Variants in ZRANB3 observed in about 807,000 individuals in gnomAD.
The protein encoded by ZRANB3 is DNA annealing helicase and endonuclease ZRANB3.
ZRANB3 carries 125 observed loss-of-function variants against 133.8 expected under a neutral mutation model. The ratio of observed to expected loss-of-function variants is 0.93; its 90% CI spans 0.81 to 1.08. ZRANB3 has a LOEUF of 1.08. Among genes scored for constraint, ZRANB3 ranks in the 50% least tolerant of loss-of-function variants. The probability of loss-of-function intolerance (pLI) is 0.00; values close to 1 mark genes in which losing one functional copy is unlikely to be tolerated. For missense variants in ZRANB3, 1,229 were observed against 1,275.5 expected (o/e 0.96, Z 0.56); for synonymous variants, 387 against 432.7 (o/e 0.89, Z 1.31).
At chr2:135,407,911 T>A (rs896193891) in intron 2 of ZRANB3, among the ~76,000 whole-genome samples, 1 of 146,440 alleles carries the variant, frequency 6.8e-6, no homozygotes, top group African/African-American at 2.7e-5. Context: ...GACATAGGCA[T>A]GGGCAAGGAC....
chr2:135,493,557 T>C (rs1692515842), intron 2 of ZRANB3, among the ~76,000 whole-genome samples: 1 of 152,088 alleles, frequency 6.6e-6, no homozygotes, highest in Admixed American at 6.6e-5. Context: ...ATCTGTAAGT[T>C]CAGGGAAACA....
At chr2:135,433,532 A>G (rs1477011994) in intron 2 of ZRANB3, among the ~76,000 whole-genome samples, 3 of 152,238 alleles carry the variant, frequency 2.0e-5, no homozygotes, top group African/African-American at 7.2e-5. Context: ...CTCAGATTCA[A>G]AAACACTAGA....
At chr2:135,492,690 A>G (rs1424975940) in intron 2 of ZRANB3, among the ~76,000 whole-genome samples, 2 of 152,284 alleles carry the variant, frequency 1.3e-5, no homozygotes, top group Non-Finnish European at 2.9e-5. Flanking sequence ...ACATACAGTG[A>G]TGAGTGATAA....
intron 1 of ZRANB3, among the ~76,000 whole-genome samples, chr2:135,529,716 T>C (rs1403095605): frequency 6.6e-6 from 1 of 151,688 alleles, no homozygotes; most frequent in Admixed American, 6.6e-5. Context: ...GATTTCACCA[T>C]GTTGCCCAGG....
At chr2:135,214,635 T>G (rs925219103) in intron 17 of ZRANB3, among the ~76,000 whole-genome samples, 1 of 152,162 alleles carries the variant, frequency 6.6e-6, no homozygotes, top group Non-Finnish European at 1.5e-5. Context: ...TTGAGAGGAC[T>G]GGAAGTTTTG....
intron 17 of ZRANB3, 39 bp from the exon 18 acceptor site, chr2:135,209,017 A>G: frequency 6.4e-7 from 1 of 1,570,352 alleles, no homozygotes. Context: ...CCTCTATCTC[A>G]TATAAAAATG....
intron 18 of ZRANB3, among the ~76,000 whole-genome samples, chr2:135,208,045 G>T (rs771299339): frequency 1.1e-4 from 17 of 152,164 alleles, no homozygotes; most frequent in Non-Finnish European, 2.5e-4. Flanking sequence ...ATATAAATAT[G>T]TTGCCTCTCT....
chr2:135,219,251 A>G, intron 15 of ZRANB3, 73 bp from the exon 16 acceptor site: 5 of 985,368 alleles, frequency 5.1e-6, no homozygotes, highest in Non-Finnish European at 7.3e-6. Flanking sequence ...AATGAAAATA[A>G]TTACATTATG....
chr2:135,258,931 G>A (rs561582003), intron 12 of ZRANB3, among the ~76,000 whole-genome samples: 18 of 152,238 alleles, frequency 1.2e-4, no homozygotes, highest in African/African-American at 3.9e-4. Flanking sequence ...TTGTATATAC[G>A]AGACATTTTT....
At chr2:135,375,869 A>T (rs1389455590) in intron 3 of ZRANB3, among the ~76,000 whole-genome samples, 1 of 152,136 alleles carries the variant, frequency 6.6e-6, no homozygotes, top group African/African-American at 2.4e-5. Flanking sequence ...AAAAAAAAAA[A>T]TATTGTCTTA....
chr2:135,266,721 C>T (rs564520516), intron 11 of ZRANB3, among the ~76,000 whole-genome samples: 76 of 151,318 alleles, frequency 5.0e-4, no homozygotes, highest in African/African-American at 1.8e-3. Flanking sequence ...GCTGAGATCA[C>T]GCCACCATAC....
chr2:135,275,721 A>C lies in ZRANB3; in HGVS notation c.1001T>G (p.Leu334Arg). 1 of 1,602,578 alleles carries C rather than the reference A, an allele frequency of 6.2e-7. No homozygotes were observed. Among genetic ancestry groups the C allele is most frequent in the Non-Finnish European group, 8.5e-7 (1 of 1,173,450 alleles). The change falls in exon 9 of 21, where the codon CTT becomes CGT. Residue 334 changes from leucine (L) to arginine (R), a missense_variant. By Grantham distance (102) the Leu-to-Arg change is moderately radical. Transcript: ENST00000264159. Reference protein sequence around the residue: ...GAVKDYIKMMLQNDSLKFLVF... With the variant: ...GAVKDYIKMMRQNDSLKFLVF... ...CAGAAATTTAAGCGAATCATTCTGA[A>C]GCATCATCTTAATATAATCCTTTAC... is the stretch of plus-strand genomic sequence containing the variant.
intron 15 of ZRANB3, among the ~76,000 whole-genome samples, chr2:135,220,940 T>C (rs1036849936): frequency 6.7e-6 from 1 of 149,318 alleles, no homozygotes; most frequent in African/African-American, 2.5e-5. Flanking sequence ...CACTGCAACC[T>C]GTACCTCCCG....
At chr2:135,479,168 T>C (rs571352647) in intron 2 of ZRANB3, among the ~76,000 whole-genome samples, 1 of 152,226 alleles carries the variant, frequency 6.6e-6, no homozygotes, top group East Asian at 1.9e-4. Flanking sequence ...TCCAATTTTG[T>C]TCTTATATAT....
intron 3 of ZRANB3, among the ~76,000 whole-genome samples, chr2:135,378,172 G>T (rs1686511491): frequency 6.6e-6 from 1 of 152,120 alleles, no homozygotes; most frequent in African/African-American, 2.4e-5. Context: ...TGTCCCTCTA[G>T]AGAACCCTGA....
intron 8 of ZRANB3, among the ~76,000 whole-genome samples, chr2:135,276,794 T>C (rs984926278): frequency 6.6e-6 from 1 of 152,138 alleles, no homozygotes; most frequent in African/African-American, 2.4e-5. Flanking sequence ...GATCCTAAAC[T>C]GGCTATGGAA....
At chr2:135,312,263 A>C (rs572529675) in intron 8 of ZRANB3, among the ~76,000 whole-genome samples, 159 of 151,274 alleles carry the variant, frequency 1.1e-3, no homozygotes, top group African/African-American at 3.7e-3. Flanking sequence ...CGGTGGCACA[A>C]TCATAGCTCA....
In ZRANB3 at chr2:135,198,994, TC is replaced by T. The variant is rs1693510023; in HGVS notation, c.*1347del. ...AGCTCCCTTTTGGGAATGTAATTCT[TC>T]CTCGGTCCTGTATTTTGTATAGTTC... is the stretch of plus-strand genomic sequence containing the variant. On this transcript the variant is annotated 3_prime_UTR_variant, in exon 21 of 21. Coordinates refer to ENST00000264159, the MANE Select transcript of ZRANB3 (RefSeq NM_032143.4). 1 of 152,248 alleles carries T rather than the reference TC, an allele frequency of 6.6e-6. No individual in the cohort carries two copies. The highest frequency in any genetic ancestry group is 6.5e-5 in the Admixed American group (1 of 15,280). 9.4% of individuals were successfully genotyped at this position (152,248 alleles called of 1,614,324 possible). A position where few individuals can be genotyped will look rare whatever the true frequency, so the allele number is the denominator to read the frequency against.
At chr2:135,378,598 A>G (rs1686537274) in intron 3 of ZRANB3, among the ~76,000 whole-genome samples, 1 of 152,018 alleles carries the variant, frequency 6.6e-6, no homozygotes, top group Admixed American at 6.6e-5. Flanking sequence ...AAAGGGGGGG[A>G]AATGAGTAAC....
Sources: allele counts gnomAD v4.1 joint callset (sites outside exome capture counted in the v4.1 genomes callset), GRCh38; gene constraint gnomAD v4.1.1; transcripts MANE v1.5; gene names NCBI Gene and HGNC (gene_info 2026-07-23, HGNC 2026-07-21).